DOCK3: variants seen among roughly 807,000 people sequenced by gnomAD.
DOCK3 encodes the protein dedicator of cytokinesis protein 3.
DOCK3 carries 60 observed loss-of-function variants against 265.6 expected under a neutral mutation model. The ratio of observed to expected loss-of-function variants is 0.23; its 90% confidence interval spans 0.18 to 0.28. The LOEUF is 0.28. DOCK3 is among the 10% of genes least tolerant of loss of function. The pLI is 1.00. For synonymous variants in DOCK3, 881 were observed against 938.0 expected (o/e 0.94, Z 1.11); for missense variants, 1,981 against 2,594.3 (o/e 0.76, Z 5.14).
chr3:51,208,530 C>A (rs534924087), intron 12 of DOCK3, among the ~76,000 whole-genome samples: 1 of 152,158 alleles, frequency 6.6e-6, no homozygotes, highest in African/African-American at 2.4e-5. Flanking sequence ...AGTGTTACTT[C>A]TGAGAGGAGG....
chr3:51,331,579 A>C (rs1195818552), intron 33 of DOCK3, among the ~76,000 whole-genome samples: 1 of 151,976 alleles, frequency 6.6e-6, no homozygotes, highest in Non-Finnish European at 1.5e-5. Context: ...AAAGTAAATC[A>C]TGGGTGAATT....
intron 9 of DOCK3, among the ~76,000 whole-genome samples, chr3:51,110,790 C>T (rs560867612): frequency 4.6e-5 from 7 of 152,282 alleles, no homozygotes; most frequent in African/African-American, 1.7e-4. Flanking sequence ...GATGTCCTCT[C>T]TCACCATTCA....
intron 5 of DOCK3, among the ~76,000 whole-genome samples, chr3:51,014,076 T>G (rs1186459561): frequency 6.6e-6 from 1 of 152,174 alleles, no homozygotes; most frequent in East Asian, 1.9e-4. Flanking sequence ...CTGTCAAGGC[T>G]TCCCTTGGCT....
intron 27 of DOCK3, among the ~76,000 whole-genome samples, chr3:51,294,764 GTAGA>G (rs1392023860): frequency 6.6e-6 from 1 of 152,136 alleles, no homozygotes; most frequent in Non-Finnish European, 1.5e-5. Context: ...GGTGGGGGCA[GTAGA>G]TAGAGAAAGG....
intron 5 of DOCK3, among the ~76,000 whole-genome samples, chr3:51,023,491 C>T (rs901274423): frequency 2.0e-5 from 3 of 151,784 alleles, no homozygotes; most frequent in African/African-American, 7.3e-5. Context: ...TCTCGGCTCA[C>T]TCCAACCTCT....
intron 2 of DOCK3, among the ~76,000 whole-genome samples, chr3:50,784,640 A>G (rs568282465): frequency 6.6e-6 from 1 of 152,340 alleles, no homozygotes; most frequent in African/African-American, 2.4e-5. Flanking sequence ...ACCCATTCAT[A>G]TGCATGGGAT....
chr3:51,138,564 C>T (rs1157996944), intron 9 of DOCK3, among the ~76,000 whole-genome samples: 1 of 152,080 alleles, frequency 6.6e-6, no homozygotes, highest in Non-Finnish European at 1.5e-5. Flanking sequence ...TCTGATAGAG[C>T]CAGCAAGCCT....
At chr3:50,846,234 A>G (rs1178977615) in intron 3 of DOCK3, among the ~76,000 whole-genome samples, 3 of 152,218 alleles carry the variant, frequency 2.0e-5, no homozygotes, top group Non-Finnish European at 4.4e-5. Flanking sequence ...AACAGGGGTA[A>G]TTAATGGTTT....
At chr3:50,959,335 T>TA in intron 5 of DOCK3, among the ~76,000 whole-genome samples, 1 of 150,876 alleles carries the variant, frequency 6.6e-6, no homozygotes, top group African/African-American at 2.5e-5. Context: ...GTACCTTTCT[T>TA]TTTTTTTAAT....
At chr3:51,331,393 G>T (rs1235249031) in intron 33 of DOCK3, among the ~76,000 whole-genome samples, 3 of 152,100 alleles carry the variant, frequency 2.0e-5, no homozygotes, top group African/African-American at 7.2e-5. Flanking sequence ...ACTAACAAAT[G>T]ACTACTACAA....
At chr3:51,162,619 A>G (rs572003864) in intron 12 of DOCK3, among the ~76,000 whole-genome samples, 135 of 152,358 alleles carry the variant, frequency 8.9e-4, no homozygotes, top group African/African-American at 3.1e-3. Context: ...ATTTATAGAT[A>G]GCACTCCAGA....
chr3:50,809,413 G>A (rs2043610395), intron 2 of DOCK3, among the ~76,000 whole-genome samples: 1 of 152,112 alleles, frequency 6.6e-6, no homozygotes, highest in African/African-American at 2.4e-5. Context: ...ATTAAAACAC[G>A]ATACCAAGTG....
In DOCK3 at chr3:50,869,342, A is replaced by ATTTTTTTTTTTTTTTT. The variant is rs755531254; in HGVS notation, c.163-20651_163-20636dup. Among the ~76,000 whole-genome samples the ATTTTTTTTTTTTTTTT allele has an allele frequency of 8.3e-3, 585 of 70,102 alleles. 289 individuals carry two copies. Among genetic ancestry groups the ATTTTTTTTTTTTTTTT allele is most frequent in the Non-Finnish European group, 0.01 (409 of 39,200 alleles). The allele number at this position is 70,102 out of a possible 152,430, so 46.0% of individuals were successfully genotyped here. A position where few individuals can be genotyped will look rare whatever the true frequency, so the allele number is the denominator to read the frequency against. Reference sequence around the variant, plus strand: ...TCAATTTTATTTATTTCTGCTGGGAATTTTTTTTTTTTTTTTTTTTTTTTT... The same window carrying ATTTTTTTTTTTTTTTT: ...TCAATTTTATTTATTTCTGCTGGGAATTTTTTTTTTTTTTTTTTTTTTTTTTTTTTTTTTTTTTTTT... On this transcript the variant is annotated intron_variant, in intron 3 of 52. Coordinates refer to ENST00000266037, the MANE Select transcript of DOCK3 (RefSeq NM_004947.5).
At chr3:50,960,984 C>T (rs573133882) in intron 5 of DOCK3, among the ~76,000 whole-genome samples, 10 of 152,144 alleles carry the variant, frequency 6.6e-5, no homozygotes, top group African/African-American at 2.4e-4. Context: ...AATTAATTGA[C>T]CAAAAATATA....
intron 10 of DOCK3, among the ~76,000 whole-genome samples, chr3:51,149,522 CT>C (rs1203296643): frequency 6.6e-6 from 1 of 152,138 alleles, no homozygotes; most frequent in Non-Finnish European, 1.5e-5. Flanking sequence ...CCATCAATAC[CT>C]AGTTTATTGA....
intron 46 of DOCK3, 30 bp from the exon 47 acceptor site, chr3:51,360,481 C>A (rs568611583): frequency 1.3e-6 from 2 of 1,596,914 alleles, no homozygotes; most frequent in South Asian, 2.3e-5. Context: ...ATTCTTTACT[C>A]TCTATGAAGG....
At chr3:50,762,037 A>T (rs1362540891) in intron 1 of DOCK3, among the ~76,000 whole-genome samples, 1 of 152,120 alleles carries the variant, frequency 6.6e-6, no homozygotes. Context: ...GTTCTCACTC[A>T]TAGGTGGGAA....
In DOCK3 at chr3:51,258,755, G is replaced by C. The variant is rs184486967; in HGVS notation, c.2185-1401G>C. Among the ~76,000 whole-genome samples the C allele has an allele frequency of 1.2e-3, 176 of 152,166 alleles. 1 individual carries two copies. Among genetic ancestry groups the C allele is most frequent in the East Asian group, 3.5e-3 (18 of 5,180 alleles). ...TGACCTTGTCCCTCTTTTGTCCTCT[G>C]CTGAGCCCAGCAAGCCATCATCTTA... On this transcript the variant is annotated intron_variant, in intron 22 of 52. Coordinates refer to ENST00000266037, the MANE Select transcript of DOCK3 (RefSeq NM_004947.5).
At chr3:51,134,751 C>T (rs1354483445) in intron 9 of DOCK3, among the ~76,000 whole-genome samples, 3 of 152,132 alleles carry the variant, frequency 2.0e-5, no homozygotes, top group Non-Finnish European at 2.9e-5. Context: ...CCCATGGAAC[C>T]GAATTTTCCA....
Sources: allele counts gnomAD v4.1 joint callset (sites outside exome capture counted in the v4.1 genomes callset), GRCh38; gene constraint gnomAD v4.1.1; transcripts MANE v1.5; gene names NCBI Gene and HGNC (gene_info 2026-07-23, HGNC 2026-07-21).